Variants in SEC23B observed in about 807,000 individuals in gnomAD.
The protein encoded by SEC23B is protein transport protein Sec23B.
A neutral mutation model predicts 104.3 loss-of-function variants in SEC23B; 77 were observed. The observed-to-expected ratio is 0.74, with a 90% CI of 0.61 to 0.89. The LOEUF (loss-of-function observed/expected upper bound fraction) is 0.89. Ranked by LOEUF, SEC23B falls within the 40% of genes least tolerant of loss-of-function variation. The probability of loss-of-function intolerance (pLI) is 0.00; values close to 1 mark genes in which losing one functional copy is unlikely to be tolerated. For missense variants in SEC23B, 885 were observed against 949.4 expected, an observed-to-expected ratio of 0.93 and a Z score of 0.89; for synonymous variants, 338 against 332.5, an observed-to-expected ratio of 1.02 and a Z score of -0.18.
At chr20:18,508,695 A>ATTAG (rs1245571999) in intron 1 of SEC23B, among the ~76,000 whole-genome samples, 1 of 145,682 alleles carries the variant, frequency 6.9e-6, no homozygotes, top group East Asian at 2.0e-4. Context: ...CTTGGAAACC[A>ATTAG]TTAGATGGAG....
intron 4 of SEC23B, among the ~76,000 whole-genome samples, chr20:18,516,645 G>T (rs1225932717): frequency 2.7e-5 from 4 of 150,402 alleles, no homozygotes; most frequent in Admixed American, 1.3e-4. Context: ...TCTGCCTCTC[G>T]GGTTCACGCC....
intron 8 of SEC23B, 132 bp downstream of exon 8, chr20:18,526,663 A>G (rs993704681): frequency 1.2e-4 from 113 of 952,916 alleles, no homozygotes; most frequent in Admixed American, 5.6e-5. Context: ...CAGTTTTCCA[A>G]TCTTAGCTGC....
At chr20:18,554,970 TTCTAATTAGATTACTGTGCAGTAAA>T in intron 18 of SEC23B, 113 bp from the exon 19 acceptor site, 9 of 70,082 alleles carry the variant, frequency 1.3e-4, no homozygotes, top group Non-Finnish European at 3.0e-4. Context: ...AGTAAAACAA[TTCTAATTAGATTACTGTGCAGTAAA>T]ACAATTCTAA....
chr20:18,531,379 A>G (rs2060185198), intron 10 of SEC23B, among the ~76,000 whole-genome samples: 1 of 152,192 alleles, frequency 6.6e-6, no homozygotes, highest in Non-Finnish European at 1.5e-5. Flanking sequence ...GCACTGGGCC[A>G]GGCATGGTGG....
Position 18,526,375 on chromosome 20 carries a change from C to A in SEC23B, c.837C>A (p.Gly279=). The A allele has an allele frequency of 1.2e-6, 2 of 1,614,064 alleles. No homozygotes were observed. Among genetic ancestry groups the A allele is most frequent in the Non-Finnish European group, 1.7e-6 (2 of 1,179,940 alleles). ...CATGCTGCCATTCGCTATTTTAGGGCACTTTTCCAAACACAGGAGCCAGGA... is the reference window on the plus strand; with the variant it reads ...CATGCTGCCATTCGCTATTTTAGGGAACTTTTCCAAACACAGGAGCCAGGA... ...ALSIAVGLLE[G]TFPNTGARIM... is the part of the protein sequence containing the mutation. The change falls in exon 8 of 20, where the codon GGC becomes GGA. Residue 279 remains glycine, a splice_region_variant and synonymous_variant. Transcript: ENST00000650089.
intron 15 of SEC23B, among the ~76,000 whole-genome samples, chr20:18,547,311 C>T (rs1033896267): frequency 1.3e-5 from 2 of 152,032 alleles, no homozygotes; most frequent in Non-Finnish European, 2.9e-5. Context: ...ACCTCATGGG[C>T]TTATTGGAAG....
chr20:18,551,948 C>T (rs6081207), intron 17 of SEC23B, among the ~76,000 whole-genome samples: 103,444 of 151,880 alleles, frequency 0.68, 36,660 homozygotes, highest in Non-Finnish European at 0.8. Context: ...GGGAACTTTA[C>T]GCTGTGTCTG....
chr20:18,543,268 C>A, intron 14 of SEC23B, 96 bp downstream of exon 14: 1 of 1,505,160 alleles, frequency 6.6e-7, no homozygotes. Context: ...AGTGAATCAG[C>A]AAGAATTTAT....
In SEC23B at chr20:18,524,602, G is replaced by C; in HGVS notation, c.536G>C (p.Ser179Thr). 1 of 1,614,224 alleles carries C rather than the reference G, an allele frequency of 6.2e-7. No individual in the cohort carries two copies. Among genetic ancestry groups the C allele is most frequent in the Non-Finnish European group, 8.5e-7 (1 of 1,180,046 alleles). The change falls in exon 5 of 20, where the codon AGC becomes ACC. Residue 179 changes from serine (S) to threonine (T), a missense_variant. Coordinates refer to ENST00000650089, the MANE Select transcript of SEC23B (RefSeq NM_006363.6). ...FGRMVQVHEL[S>T]CEGISKSYVF... ...AGGATGGTGCAGGTTCATGAGCTAAGCTGTGAAGGAATCTCCAAAAGTTAT... is the reference window on the plus strand; with the variant it reads ...AGGATGGTGCAGGTTCATGAGCTAACCTGTGAAGGAATCTCCAAAAGTTAT...
At chr20:18,529,970 A>G (rs1470847961) in intron 9 of SEC23B, among the ~76,000 whole-genome samples, 2 of 152,232 alleles carry the variant, frequency 1.3e-5, no homozygotes, top group African/African-American at 4.8e-5. Flanking sequence ...CATTTTGCAC[A>G]ATGTTTTCCT....
At chr20:18,542,453 C>A in intron 13 of SEC23B, 51 bp downstream of exon 13, 1 of 1,448,262 alleles carries the variant, frequency 6.9e-7, no homozygotes, top group Non-Finnish European at 9.7e-7. Context: ...ACATTTTTCC[C>A]TTGAAGAGAT....
Position 18,520,637 on chromosome 20 carries a change from A to G in SEC23B, c.367-3796A>G, listed in dbSNP as rs143941376. ...ATTAAAGAATGTTGTCCAAGTTGGCACCAGAGTTGGGGAGTTTTAAGAGGT... is the reference window on the plus strand; with the variant it reads ...ATTAAAGAATGTTGTCCAAGTTGGCGCCAGAGTTGGGGAGTTTTAAGAGGT... On this transcript the variant is annotated intron_variant, in intron 4 of 19. Coordinates refer to ENST00000650089, the MANE Select transcript of SEC23B (RefSeq NM_006363.6). Among the ~76,000 whole-genome samples the G allele has an allele frequency of 6.2e-3, 942 of 152,262 alleles. 13 individuals are homozygous for G. Among genetic ancestry groups the G allele is most frequent in the African/African-American group, 0.022 (902 of 41,544 alleles).
intron 19 of SEC23B, among the ~76,000 whole-genome samples, chr20:18,557,872 C>T (rs2060455205): frequency 6.6e-6 from 1 of 151,678 alleles, no homozygotes; most frequent in Non-Finnish European, 1.5e-5. Flanking sequence ...CTGCCTCAGC[C>T]TCCCGAGTAG....
intron 12 of SEC23B, among the ~76,000 whole-genome samples, chr20:18,537,709 A>T (rs6112012): frequency 6.6e-5 from 10 of 152,274 alleles, no homozygotes; most frequent in South Asian, 4.1e-4. Flanking sequence ...CACATTGTGC[A>T]CATGTACCCT....
chr20:18,518,674 G>A (rs2060056430), intron 4 of SEC23B, among the ~76,000 whole-genome samples: 2 of 142,528 alleles, frequency 1.4e-5, no homozygotes, highest in African/African-American at 5.2e-5. Context: ...GAGTAAACAG[G>A]AGTGACCAAT....
In SEC23B at chr20:18,526,528, C is replaced by T. The variant is rs147177828; in HGVS notation, c.990C>T (p.Thr330=). The change falls in exon 8 of 20, where the codon ACC becomes ACT. Residue 330 remains threonine (T), a synonymous_variant. Coordinates refer to ENST00000650089, the MANE Select transcript of SEC23B (RefSeq NM_006363.6). ...ATGCACGATTCATGAAAAAGGCAAC[C>T]AAGGTAGGTGCTCTTGGGTATGGGC... ...KDNARFMKKA[T]KHYEMLANRT... 1.4e-5 allele frequency: 22 copies of T among 1,613,934 alleles called. No homozygotes were observed. Among genetic ancestry groups the T allele is most frequent in the Non-Finnish European group, 1.8e-5 (21 of 1,179,982 alleles).
intron 4 of SEC23B, 41 bp downstream of exon 4, chr20:18,515,777 C>A: frequency 8.4e-7 from 1 of 1,197,130 alleles, no homozygotes; most frequent in Non-Finnish European, 1.2e-6. Flanking sequence ...ATGTTAAATA[C>A]TGAATTTCTC....
At chr20:18,533,060 G>A (rs184054058) in intron 11 of SEC23B, among the ~76,000 whole-genome samples, 1 of 152,340 alleles carries the variant, frequency 6.6e-6, no homozygotes, top group Admixed American at 6.5e-5. Flanking sequence ...ACGGCATGCT[G>A]TTCAGCACAA....
At chr20:18,555,316 G>A (rs2060426499) in intron 19 of SEC23B, 143 bp downstream of exon 19, 3 of 717,736 alleles carry the variant, frequency 4.2e-6, no homozygotes, top group Non-Finnish European at 7.3e-6. Flanking sequence ...GTGGCGGGGA[G>A]GGAAACAAGT....
Sources: gnomAD v4.1 joint callset for allele counts (sites outside exome capture counted in the v4.1 genomes callset) on GRCh38, gnomAD v4.1.1 for gene constraint, MANE v1.5 for transcripts, NCBI Gene and HGNC (gene_info 2026-07-23, HGNC 2026-07-21) for gene names.